MYPN: variants seen among roughly 807,000 people sequenced by gnomAD.
MYPN encodes the protein sarcomeric protein myopalladin, 145 kDa (MYOP).
Under a neutral mutation model 129.4 loss-of-function variants are expected in MYPN, and 63 were observed. The ratio of observed to expected loss-of-function variants is 0.49; its 90% CI spans 0.40 to 0.60. MYPN has a LOEUF of 0.60. MYPN is among the 20% of genes least tolerant of loss of function. The pLI, the probability that MYPN is intolerant of heterozygous loss-of-function variation, is 0.00. For synonymous variants in MYPN, 629 were observed against 600.9 expected (o/e 1.05, Z -0.68); for missense variants, 1,596 against 1,635.4 (o/e 0.98, Z 0.42).
chr10:68,185,144 AGGAG>A (rs907164832), intron 12 of MYPN, among the ~76,000 whole-genome samples: 12 of 136,600 alleles, frequency 8.8e-5, no homozygotes, highest in Middle Eastern at 3.5e-3. Flanking sequence ...GTCAGAAAGA[AGGAG>A]GGAGGGAGGG....
At chr10:68,096,242 G>C (rs77334824) in intron 1 of MYPN, among the ~76,000 whole-genome samples, 2 of 152,160 alleles carry the variant, frequency 1.3e-5, no homozygotes, top group African/African-American at 4.8e-5. Flanking sequence ...GACTTGCCGT[G>C]TAACTCTTAA....
At chr10:68,105,081 C>T (rs575145337), upstream of MYPN, among the ~76,000 whole-genome samples, 5 of 152,248 alleles carry the variant, frequency 3.3e-5, no homozygotes, top group Admixed American at 2.0e-4. Flanking sequence ...CCATGCCCGG[C>T]CTAATATGTT....
intron 2 of MYPN, among the ~76,000 whole-genome samples, chr10:68,125,100 A>T (rs962319048): frequency 1.3e-5 from 2 of 152,226 alleles, no homozygotes; most frequent in African/African-American, 2.4e-5. Flanking sequence ...CAACCATGAC[A>T]ATCTCAGATA....
In MYPN at chr10:68,087,947, G is replaced by C. The variant is rs561250147; in HGVS notation, c.-47G>C. Among the ~76,000 whole-genome samples, 399 of 152,282 alleles carry C rather than the reference G, an allele frequency of 2.6e-3. 4 individuals carry two copies. Among genetic ancestry groups the C allele is most frequent in the African/African-American group, 9.3e-3 (386 of 41,546 alleles). ...GGTGAGGGGCTGGGAGTCCCGGCTG[G>C]AACTACCCAATGTAGCCTTTGGAGC... On this transcript the variant is annotated 5_prime_UTR_variant, in exon 1 of 7. Transcript: ENST00000685154.
intron 5 of MYPN, 103 bp from the exon 6 acceptor site, chr10:68,149,937 T>C: frequency 9.5e-7 from 1 of 1,056,106 alleles, no homozygotes; most frequent in Non-Finnish European, 1.5e-6. Context: ...GTTTTTTGGT[T>C]TGGGATGCAT....
chr10:68,157,205 A>G (rs2042890422), intron 6 of MYPN, among the ~76,000 whole-genome samples: 1 of 152,268 alleles, frequency 6.6e-6, no homozygotes, highest in African/African-American at 2.4e-5. Context: ...CGTATTTTAC[A>G]ATGACATTGA....
At chr10:68,181,101 T>C (rs1463176418) in intron 12 of MYPN, among the ~76,000 whole-genome samples, 1 of 152,152 alleles carries the variant, frequency 6.6e-6, no homozygotes, top group Non-Finnish European at 1.5e-5. Context: ...TATTCTTTCC[T>C]TTGAGTGTAG....
intron 2 of MYPN, among the ~76,000 whole-genome samples, chr10:68,127,087 C>A (rs570652978): frequency 6.7e-6 from 1 of 149,706 alleles, no homozygotes; most frequent in South Asian, 2.1e-4. Flanking sequence ...TGGGTTCAAG[C>A]AATTCCCCTG....
At position 68,211,182 on chromosome 10, in the gene MYPN, G is replaced by A; in HGVS notation, c.*727G>A. 1 of 453,896 alleles carries A rather than the reference G, an allele frequency of 2.2e-6. No individual in the cohort carries two copies. The highest frequency in any genetic ancestry group is 4.4e-6 in the Non-Finnish European group (1 of 226,744). The allele number at this position is 453,896 out of a possible 1,614,324, so 28.1% of individuals were successfully genotyped here. A position where few individuals can be genotyped will look rare whatever the true frequency, so the allele number is the denominator to read the frequency against. ...TTTTGGGTGGTGACTGTTTTTTTCT[G>A]ACTTTGCATATCCCTAGACACTAGA... is the stretch of plus-strand genomic sequence containing the variant. On this transcript the variant is annotated 3_prime_UTR_variant, in exon 20 of 20. Transcript: ENST00000358913.
chr10:68,113,134 G>T (rs959249128), intron 1 of MYPN, among the ~76,000 whole-genome samples: 3 of 152,150 alleles, frequency 2.0e-5, no homozygotes, highest in African/African-American at 7.2e-5. Flanking sequence ...CCAGCAAAAG[G>T]TCACCTCAAA....
intron 2 of MYPN, among the ~76,000 whole-genome samples, chr10:68,138,894 C>G (rs903597010): frequency 6.6e-6 from 1 of 152,134 alleles, no homozygotes; most frequent in Non-Finnish European, 1.5e-5. Context: ...TTGTACAACT[C>G]TTTATTTTGA....
At chr10:68,154,499 C>G (rs1394821589) in intron 6 of MYPN, among the ~76,000 whole-genome samples, 1 of 152,316 alleles carries the variant, frequency 6.6e-6, no homozygotes, top group East Asian at 1.9e-4. Flanking sequence ...GCCCCTCTCC[C>G]CATTCAATCA....
At chr10:68,104,030 AC>A (rs2041994952), upstream of MYPN, among the ~76,000 whole-genome samples, 1 of 152,190 alleles carries the variant, frequency 6.6e-6, no homozygotes, top group Non-Finnish European at 1.5e-5. Flanking sequence ...CTTTGGGAAA[AC>A]TATGCTTCTT....
chr10:68,171,085 G>T (rs1190786038), intron 10 of MYPN, among the ~76,000 whole-genome samples: 1 of 148,382 alleles, frequency 6.7e-6, no homozygotes, highest in Non-Finnish European at 1.5e-5. Flanking sequence ...GGAGGCAGAG[G>T]TTGCAGTGAG....
chr10:68,130,865 G>C (rs955677548), intron 2 of MYPN, among the ~76,000 whole-genome samples: 7 of 152,128 alleles, frequency 4.6e-5, no homozygotes, highest in Admixed American at 2.6e-4. Flanking sequence ...CAATATTCTA[G>C]CACCAGTTGA....
chr10:68,157,036 A>G (rs750371618), intron 6 of MYPN, among the ~76,000 whole-genome samples: 1 of 152,222 alleles, frequency 6.6e-6, no homozygotes, highest in Admixed American at 6.5e-5. Flanking sequence ...CTCACAAACC[A>G]TGATGAATAA....
At chr10:68,124,161 C>T (rs576421869) in intron 2 of MYPN, among the ~76,000 whole-genome samples, 1 of 152,284 alleles carries the variant, frequency 6.6e-6, no homozygotes, top group African/African-American at 2.4e-5. Flanking sequence ...TAAAGGAGCC[C>T]TTCCACATTT....
intron 10 of MYPN, among the ~76,000 whole-genome samples, chr10:68,171,707 C>T (rs573227298): frequency 1.1e-4 from 17 of 152,228 alleles, no homozygotes; most frequent in Non-Finnish European, 2.1e-4. Context: ...ACTGCTAAAA[C>T]CACAGCAGAT....
At chr10:68,133,443 T>G (rs150602753) in intron 2 of MYPN, among the ~76,000 whole-genome samples, 59 of 152,228 alleles carry the variant, frequency 3.9e-4, no homozygotes, top group African/African-American at 1.4e-3. Flanking sequence ...AGATAAATAA[T>G]GCAAATTGTA....
Sources: allele counts gnomAD v4.1 joint callset (sites outside exome capture counted in the v4.1 genomes callset), GRCh38; gene constraint gnomAD v4.1.1; transcripts MANE v1.5; gene names NCBI Gene and HGNC (gene_info 2026-07-23, HGNC 2026-07-21).